Variants in ANO3 observed in about 807,000 individuals in gnomAD.
The protein encoded by ANO3 is anoctamin 3, also known as anoctamin-3.
In ANO3, 99 loss-of-function variants were observed where a neutral mutation model predicts 144.8. The observed-to-expected ratio is 0.68, with a 90% CI of 0.58 to 0.81. The LOEUF (loss-of-function observed/expected upper bound fraction) is 0.81, where lower values mean the gene tolerates loss of function less well. Among genes scored for constraint, ANO3 ranks in the 30% least tolerant of loss-of-function variants. The pLI, the probability that ANO3 is intolerant of heterozygous loss-of-function variation, is 0.00. For synonymous variants in ANO3, 414 were observed against 392.6 expected (o/e 1.05, Z -0.64); for missense variants, 905 against 1,202.2 (o/e 0.75, Z 3.66).
At chr11:26,223,828 T>C (rs1484646803) in intron 1 of ANO3, among the ~76,000 whole-genome samples, 1 of 151,878 alleles carries the variant, frequency 6.6e-6, no homozygotes, top group Non-Finnish European at 1.5e-5. Flanking sequence ...CACATTCTTT[T>C]AAACAACCGG....
chr11:26,601,514 ATAATT>A (rs1424691089), intron 17 of ANO3, among the ~76,000 whole-genome samples: 2 of 147,082 alleles, frequency 1.4e-5, no homozygotes, highest in Non-Finnish European at 3.0e-5. Context: ...CTCTTGACTC[ATAATT>A]TAAAGTGTAT....
At chr11:26,470,287 C>T (rs1022577996) in intron 4 of ANO3, among the ~76,000 whole-genome samples, 3 of 151,592 alleles carry the variant, frequency 2.0e-5, no homozygotes, top group African/African-American at 4.8e-5. Context: ...TGGCACATAC[C>T]TGTAGTCCCA....
At chr11:26,497,162 A>G (rs1471119566) in intron 4 of ANO3, among the ~76,000 whole-genome samples, 2 of 151,830 alleles carry the variant, frequency 1.3e-5, no homozygotes, top group Non-Finnish European at 2.9e-5. Context: ...AGACATACAC[A>G]CAAATCTATA....
intron 3 of ANO3, among the ~76,000 whole-genome samples, chr11:26,455,464 C>T (rs1859117439): frequency 1.3e-5 from 2 of 152,090 alleles, no homozygotes; most frequent in African/African-American, 4.8e-5. Flanking sequence ...AGTGAACTCC[C>T]ATTCACAATT....
chr11:26,613,812 G>A (rs565476450), intron 17 of ANO3, among the ~76,000 whole-genome samples: 4 of 152,308 alleles, frequency 2.6e-5, no homozygotes, highest in South Asian at 2.1e-4. Context: ...CAATAATGTG[G>A]TTTTGCTTGG....
intron 4 of ANO3, among the ~76,000 whole-genome samples, chr11:26,488,615 T>TTTCCC (rs1565056239): frequency 6.6e-6 from 1 of 152,186 alleles, no homozygotes; most frequent in Non-Finnish European, 1.5e-5. Flanking sequence ...CAGTGAGTGA[T>TTTCCC]ACAGCTCTTA....
chr11:26,501,445 G>C (rs924917919), intron 4 of ANO3, among the ~76,000 whole-genome samples: 2 of 152,148 alleles, frequency 1.3e-5, no homozygotes, highest in Non-Finnish European at 2.9e-5. Flanking sequence ...AAGGAGTACT[G>C]TGGGTGGGAG....
intron 1 of ANO3, among the ~76,000 whole-genome samples, chr11:26,334,095 C>G (rs1855132882): frequency 6.6e-6 from 1 of 152,212 alleles, no homozygotes; most frequent in Non-Finnish European, 1.5e-5. Flanking sequence ...CGTCATTGCT[C>G]AAAGAGAGTG....
chr11:26,293,576 T>TATATC (rs1854016890), intron 1 of ANO3, among the ~76,000 whole-genome samples: 1 of 138,018 alleles, frequency 7.2e-6, no homozygotes, highest in Non-Finnish European at 1.6e-5. Context: ...TATATATATA[T>TATATC]TCCTGTTGTT....
At chr11:26,259,834 T>G (rs11029448) in intron 1 of ANO3, among the ~76,000 whole-genome samples, 2,953 of 151,902 alleles carry the variant, frequency 0.019, 61 homozygotes, top group East Asian at 0.11. Context: ...ATAAAGAAAA[T>G]TACTCTTACT....
intron 1 of ANO3, among the ~76,000 whole-genome samples, chr11:26,299,910 C>T (rs1326638127): frequency 6.6e-6 from 1 of 151,996 alleles, no homozygotes; most frequent in Non-Finnish European, 1.5e-5. Flanking sequence ...TCAGTCTTCT[C>T]AGTGAAATAG....
chr11:26,276,958 A>T (rs2133840940), intron 1 of ANO3, among the ~76,000 whole-genome samples: 1 of 152,104 alleles, frequency 6.6e-6, no homozygotes, highest in South Asian at 2.1e-4. Flanking sequence ...TAGTTGCTTA[A>T]ATGTGGTCTA....
intron 13 of ANO3, chr11:26,559,478 G>A: frequency 2.2e-6 from 1 of 444,610 alleles, no homozygotes; most frequent in Non-Finnish European, 4.0e-6. Flanking sequence ...TGATGGTGGG[G>A]TATAAAGGGA....
chr11:26,239,843 A>G (rs779338838), intron 1 of ANO3, among the ~76,000 whole-genome samples: 2 of 152,230 alleles, frequency 1.3e-5, no homozygotes, highest in African/African-American at 4.8e-5. Flanking sequence ...ATGTTTCTCC[A>G]TAATTGAAGA....
At chr11:26,257,035 C>G (rs1028066107) in intron 1 of ANO3, among the ~76,000 whole-genome samples, 3 of 151,846 alleles carry the variant, frequency 2.0e-5, no homozygotes, top group African/African-American at 7.3e-5. Flanking sequence ...TCAAAATTGT[C>G]TGATGATTAT....
intron 1 of ANO3, among the ~76,000 whole-genome samples, chr11:26,440,366 TAAAAC>T (rs1175563519): frequency 2.0e-5 from 3 of 151,892 alleles, no homozygotes. Context: ...TATACAGAAA[TAAAAC>T]AAAATATATA....
intron 14 of ANO3, among the ~76,000 whole-genome samples, chr11:26,573,611 G>A (rs922829673): frequency 3.3e-5 from 5 of 152,122 alleles, no homozygotes; most frequent in African/African-American, 1.2e-4. Context: ...TAGTAATTAT[G>A]GCTTATACCA....
intron 1 of ANO3, among the ~76,000 whole-genome samples, chr11:26,282,309 T>G (rs1220904736): frequency 6.9e-6 from 1 of 144,336 alleles, no homozygotes; most frequent in African/African-American, 2.9e-5. Context: ...TCATTTTTTT[T>G]GTTTTTTTTT....
At chr11:26,299,067 C>T (rs149722086) in intron 1 of ANO3, among the ~76,000 whole-genome samples, 70 of 152,208 alleles carry the variant, frequency 4.6e-4, no homozygotes, top group African/African-American at 1.6e-3. Context: ...TGTATAAAAC[C>T]ATGAGACAGG....
Sources: allele counts gnomAD v4.1 joint callset (sites outside exome capture counted in the v4.1 genomes callset), GRCh38; gene constraint gnomAD v4.1.1; transcripts MANE v1.5; gene names NCBI Gene and HGNC (gene_info 2026-07-23, HGNC 2026-07-21).